Variants in CEP112 observed in about 807,000 individuals in gnomAD.
CEP112 encodes centrosomal protein 112, also known as centrosomal protein of 112 kDa.
A neutral mutation model predicts 153.0 loss-of-function variants in CEP112; 127 were observed. The observed-to-expected ratio is 0.83, with a 90% CI of 0.72 to 0.96. The LOEUF is 0.96. CEP112 is among the 40% of genes least tolerant of loss of function. The probability of loss-of-function intolerance (pLI) is 0.00; values close to 1 mark genes in which losing one functional copy is unlikely to be tolerated. For missense variants in CEP112, 1,089 were observed against 1,101.2 expected (o/e 0.99, Z 0.16); for synonymous variants, 358 against 374.4 (o/e 0.96, Z 0.51).
At chr17:65,899,919 G>T (rs1299415769) in intron 20 of CEP112, among the ~76,000 whole-genome samples, 1 of 152,086 alleles carries the variant, frequency 6.6e-6, no homozygotes, top group East Asian at 1.9e-4. Context: ...ATTTGAAAAA[G>T]ATCTATTTTG....
chr17:65,743,423 G>C (rs1278051240), intron 22 of CEP112, among the ~76,000 whole-genome samples: 1 of 152,148 alleles, frequency 6.6e-6, no homozygotes, highest in Non-Finnish European at 1.5e-5. Flanking sequence ...AACAACTGCT[G>C]AACCAAATAT....
chr17:65,762,717 T>C (rs2052683077), intron 21 of CEP112, among the ~76,000 whole-genome samples: 1 of 152,006 alleles, frequency 6.6e-6, no homozygotes, highest in Admixed American at 6.6e-5. Context: ...GAAATAATCC[T>C]AATTTACTCC....
chr17:65,659,015 CAAA>C (rs777326885), intron 24 of CEP112, among the ~76,000 whole-genome samples: 3 of 55,598 alleles, frequency 5.4e-5, no homozygotes, highest in African/African-American at 5.8e-5. Context: ...GACTCTGTCT[CAAA>C]AAAAAAAAAA....
chr17:65,817,366 A>G (rs2056326473), intron 21 of CEP112, among the ~76,000 whole-genome samples: 1 of 151,922 alleles, frequency 6.6e-6, no homozygotes, highest in Admixed American at 6.6e-5. Flanking sequence ...GTGCTAAAAT[A>G]TGGGACTGAA....
chr17:65,924,927 T>C (rs1200555156), intron 19 of CEP112, among the ~76,000 whole-genome samples: 1 of 152,154 alleles, frequency 6.6e-6, no homozygotes, highest in Non-Finnish European at 1.5e-5. Context: ...CACTTCATGA[T>C]AATACCTCAG....
chr17:66,019,990 G>A (rs1314910280), intron 16 of CEP112, among the ~76,000 whole-genome samples: 1 of 152,204 alleles, frequency 6.6e-6, no homozygotes, highest in Non-Finnish European at 1.5e-5. Context: ...ACAGTCCTCA[G>A]CAGGATGTAA....
chr17:65,676,101 CA>C (rs2047222124), intron 24 of CEP112, among the ~76,000 whole-genome samples: 1 of 152,060 alleles, frequency 6.6e-6, no homozygotes. Context: ...TCTGGGAAGC[CA>C]GGGGTGGGCA....
At position 65,898,491 on chromosome 17, in the gene CEP112, C is replaced by T. The variant is rs142279019; in HGVS notation, c.2163+3661G>A. Among the ~76,000 whole-genome samples, 615 of 152,182 alleles carry T rather than the reference C, an allele frequency of 4.0e-3. 18 individuals are homozygous for T. Among genetic ancestry groups the T allele is most frequent in the Admixed American group, 0.035 (537 of 15,278 alleles). On this transcript the variant is annotated intron_variant, in intron 20 of 26. Transcript: ENST00000535342. ...AAGAATTATTACAAATTCTACATTT[C>T]GGAATCAGTGATAAGTTCAGCTCTT...
chr17:66,130,754 C>T (rs933191966), intron 5 of CEP112, among the ~76,000 whole-genome samples: 12 of 128,760 alleles, frequency 9.3e-5, no homozygotes, highest in Non-Finnish European at 1.4e-4. Flanking sequence ...CCAGCCTGGG[C>T]GACAGAGCGA....
At chr17:65,850,987 T>C (rs1250204259) in intron 21 of CEP112, among the ~76,000 whole-genome samples, 3 of 152,244 alleles carry the variant, frequency 2.0e-5, no homozygotes, top group Non-Finnish European at 2.9e-5. Flanking sequence ...TCTCAGTCTA[T>C]GTAAAATCAA....
intron 21 of CEP112, among the ~76,000 whole-genome samples, chr17:65,835,048 T>C (rs1310341673): frequency 6.6e-6 from 1 of 152,026 alleles, no homozygotes; most frequent in Non-Finnish European, 1.5e-5. Context: ...TATGGGAACA[T>C]GGATGGAGAT....
intron 24 of CEP112, among the ~76,000 whole-genome samples, chr17:65,679,037 C>CAAA (rs1382056135): frequency 6.9e-6 from 1 of 145,318 alleles, no homozygotes; most frequent in Non-Finnish European, 1.5e-5. Flanking sequence ...GCTTTGCCAC[C>CAAA]AAAATCTATT....
At chr17:65,728,850 C>A (rs1477556766) in intron 23 of CEP112, among the ~76,000 whole-genome samples, 1 of 152,068 alleles carries the variant, frequency 6.6e-6, no homozygotes, top group East Asian at 1.9e-4. Flanking sequence ...AGGCCTAGGA[C>A]ATTACTGTAC....
At chr17:66,115,692 C>T (rs939663434) in intron 6 of CEP112, among the ~76,000 whole-genome samples, 2 of 152,178 alleles carry the variant, frequency 1.3e-5, no homozygotes, top group African/African-American at 2.4e-5. Flanking sequence ...TGTTTTCTTA[C>T]ACATTGTTAC....
chr17:65,902,727 C>T (rs2059921426), intron 19 of CEP112, among the ~76,000 whole-genome samples: 1 of 152,172 alleles, frequency 6.6e-6, no homozygotes, highest in South Asian at 2.1e-4. Context: ...GGTCAGCTTT[C>T]TTCATGATTT....
chr17:65,666,542 G>C (rs1018961759), intron 24 of CEP112, among the ~76,000 whole-genome samples: 1 of 152,170 alleles, frequency 6.6e-6, no homozygotes, highest in Non-Finnish European at 1.5e-5. Flanking sequence ...GTTATTTGCT[G>C]TATGTCTTAA....
At chr17:65,949,399 G>A (rs1219499755) in intron 18 of CEP112, among the ~76,000 whole-genome samples, 1 of 152,132 alleles carries the variant, frequency 6.6e-6, no homozygotes, top group African/African-American at 2.4e-5. Context: ...CCTGTTCATG[G>A]GTTGCTGTTA....
intron 4 of CEP112, among the ~76,000 whole-genome samples, chr17:66,167,788 A>T (rs142338833): frequency 2.0e-5 from 3 of 152,194 alleles, no homozygotes; most frequent in Non-Finnish European, 4.4e-5. Context: ...TGAAGCTGTT[A>T]TCTTGTCTAT....
At position 65,701,732 on chromosome 17, in the gene CEP112, C is replaced by T. The variant is rs572620725; in HGVS notation, c.2608-12514G>A. ...AGTCCAAGACTAAACTCATAATTTT[C>T]CCCCTCAACCAGCTTCCCTTCCACC... On this transcript the variant is annotated intron_variant, in intron 23 of 26. Transcript: ENST00000535342. Among the ~76,000 whole-genome samples the T allele has an allele frequency of 3.3e-5, 5 of 152,220 alleles. No homozygotes were observed. In the East Asian group the frequency reaches 7.7e-4, roughly 24 times the overall value.
Sources: gnomAD v4.1 joint callset for allele counts (sites outside exome capture counted in the v4.1 genomes callset) on GRCh38, gnomAD v4.1.1 for gene constraint, MANE v1.5 for transcripts, NCBI Gene and HGNC (gene_info 2026-07-23, HGNC 2026-07-21) for gene names.